The following SLC31A1 variants were observed in gnomAD, a reference collection of about 807,000 sequenced individuals.
SLC31A1 encodes high affinity copper uptake protein 1.
In SLC31A1, 5 loss-of-function variants were observed where a neutral mutation model predicts 17.2. That is an observed-to-expected ratio of 0.29 (90% CI 0.15 to 0.61). The LOEUF is 0.61. Among genes scored for constraint, SLC31A1 ranks in the 20% least tolerant of loss-of-function variants. SLC31A1 has a pLI of 0.86. For synonymous variants in SLC31A1, 76 were observed against 78.8 expected, an observed-to-expected ratio of 0.96 and a Z score of 0.19; for missense variants, 161 against 241.4, an observed-to-expected ratio of 0.67 and a Z score of 2.21.
rs1253895222 is a variant in SLC31A1, at chr9:113,256,137, T to C, written c.-12T>C. On this transcript the variant is annotated 5_prime_UTR_variant, in exon 2 of 5. Transcript: ENST00000374212. ...AGAATCTTCTGCTGACTCTCAACTTTTCCTGGAAAAAATGGATCATTCCCA... is the reference window on the plus strand; with the variant it reads ...AGAATCTTCTGCTGACTCTCAACTTCTCCTGGAAAAAATGGATCATTCCCA... The C allele has an allele frequency of 1.9e-6, 3 of 1,611,764 alleles. No homozygotes were observed. The African/African-American group carries it at 4.0e-5, about 22-fold the overall frequency.
chr9:113,222,666 C>T (rs918264187), intron 1 of SLC31A1, among the ~76,000 whole-genome samples: 1 of 152,132 alleles, frequency 6.6e-6, no homozygotes, highest in African/African-American at 2.4e-5. Flanking sequence ...GAACTTTGCA[C>T]CTCCTGGCAA....
At chr9:113,221,849 C>T (rs1349675896) in intron 1 of SLC31A1, among the ~76,000 whole-genome samples, 171 bp downstream of exon 1, 1 of 152,252 alleles carries the variant, frequency 6.6e-6, no homozygotes, top group African/African-American at 2.4e-5. Context: ...GTGGCATAGC[C>T]AGAGTGACCT....
At chr9:113,233,422 T>A (rs1045830528) in intron 1 of SLC31A1, among the ~76,000 whole-genome samples, 11 of 152,182 alleles carry the variant, frequency 7.2e-5, no homozygotes, top group African/African-American at 2.4e-4. Context: ...CCTGGAGAGG[T>A]CAGCTGGGAA....
chr9:113,238,033 G>T (rs1831482116), intron 1 of SLC31A1, among the ~76,000 whole-genome samples: 2 of 152,114 alleles, frequency 1.3e-5, no homozygotes, highest in South Asian at 4.1e-4. Context: ...TACATATATG[G>T]TCTTTTCTCC....
At chr9:113,242,249 A>G (rs550746327) in intron 1 of SLC31A1, among the ~76,000 whole-genome samples, 2 of 152,264 alleles carry the variant, frequency 1.3e-5, no homozygotes, top group African/African-American at 2.4e-5. Context: ...GATTGTAAGG[A>G]TGGGCATTTC....
At chr9:113,260,194 C>A in intron 4 of SLC31A1, 78 bp from the exon 5 acceptor site, 1 of 1,289,758 alleles carries the variant, frequency 7.8e-7, no homozygotes, top group Non-Finnish European at 1.1e-6. Context: ...GAGCTCATGG[C>A]AAGAACTCTT....
At chr9:113,259,012 G>A in intron 4 of SLC31A1, 150 bp downstream of exon 4, 1 of 809,286 alleles carries the variant, frequency 1.2e-6, no homozygotes, top group South Asian at 1.4e-5. Flanking sequence ...TGGGTTTGTA[G>A]GTCATGAGCA....
chr9:113,263,428 A>G lies in SLC31A1; in HGVS notation c.*2955A>G, dbSNP rs1831815893. 2 of 152,648 alleles carry G rather than the reference A, an allele frequency of 1.3e-5. No individual in the cohort carries two copies. The highest frequency in any genetic ancestry group is 4.8e-5 in the African/African-American group (2 of 41,458). 9.5% of individuals were successfully genotyped at this position (152,648 alleles called of 1,614,324 possible). A position where few individuals can be genotyped will look rare whatever the true frequency, so the allele number is the denominator to read the frequency against. ...TGTATACCTGTTCATTTGGAATTTA[A>G]TGCTTGACTTCTTTGTTCATTTTGG... is the stretch of plus-strand genomic sequence containing the variant. On this transcript the variant is annotated 3_prime_UTR_variant, in exon 5 of 5. Coordinates refer to ENST00000374212, the MANE Select transcript of SLC31A1 (RefSeq NM_001859.4).
intron 1 of SLC31A1, among the ~76,000 whole-genome samples, chr9:113,249,773 C>G (rs1831625004): frequency 6.6e-6 from 1 of 152,024 alleles, no homozygotes; most frequent in African/African-American, 2.4e-5. Context: ...TCGCAACCTA[C>G]TCATCTGACA....
chr9:113,235,463 C>G (rs1292947097), intron 1 of SLC31A1, among the ~76,000 whole-genome samples: 3 of 152,136 alleles, frequency 2.0e-5, no homozygotes, highest in Non-Finnish European at 2.9e-5. Flanking sequence ...TCAAAGGAAA[C>G]TATAGAGCAA....
Position 113,258,659 on chromosome 9 carries a change from T to C in SLC31A1, c.203-35T>C. ...CATTGGCTAATGATTTTGCACATGTTTGACAGTACCTCCATATTTTCCTTC... is the reference window on the plus strand; with the variant it reads ...CATTGGCTAATGATTTTGCACATGTCTGACAGTACCTCCATATTTTCCTTC... On this transcript the variant is annotated intron_variant, in intron 3 of 4. Coordinates refer to ENST00000374212, the MANE Select transcript of SLC31A1 (RefSeq NM_001859.4). This position sits in a 1 kb window ranked among gnomAD's most constrained non-coding sequence, Gnocchi z 4.8. The C allele has an allele frequency of 6.2e-7, 1 of 1,612,548 alleles. No individual in the cohort carries two copies. Among genetic ancestry groups the C allele is most frequent in the Non-Finnish European group, 8.5e-7 (1 of 1,179,206 alleles).
chr9:113,257,905 A>T (rs934146569), intron 3 of SLC31A1, among the ~76,000 whole-genome samples: 1 of 152,228 alleles, frequency 6.6e-6, no homozygotes, highest in Non-Finnish European at 1.5e-5. Context: ...CAATAAATTA[A>T]GTGCCACAAA....
chr9:113,241,442 C>A (rs911503156), intron 1 of SLC31A1, among the ~76,000 whole-genome samples: 1 of 152,172 alleles, frequency 6.6e-6, no homozygotes, highest in African/African-American at 2.4e-5. Context: ...GAGAACTTTG[C>A]TTCCTTATAT....
intron 1 of SLC31A1, among the ~76,000 whole-genome samples, chr9:113,243,395 T>C (rs1219916003): frequency 6.6e-6 from 1 of 152,214 alleles, no homozygotes; most frequent in African/African-American, 2.4e-5. Flanking sequence ...GCTGTATAAT[T>C]CATCACGTTA....
At chr9:113,255,916 A>G (rs1291716237) in intron 1 of SLC31A1, 198 bp from the exon 2 acceptor site, 2 of 314,700 alleles carry the variant, frequency 6.4e-6, no homozygotes, top group African/African-American at 2.1e-5. Context: ...GGGAACCACC[A>G]GGTTGCCTGG....
chr9:113,253,447 T>C (rs1831683472), intron 1 of SLC31A1, among the ~76,000 whole-genome samples: 1 of 152,182 alleles, frequency 6.6e-6, no homozygotes, highest in Non-Finnish European at 1.5e-5. Flanking sequence ...TAGTGTTTAC[T>C]CTAAAAACAT....
intron 1 of SLC31A1, among the ~76,000 whole-genome samples, chr9:113,249,839 C>G (rs901793445): frequency 6.6e-6 from 1 of 151,114 alleles, no homozygotes; most frequent in East Asian, 1.9e-4. Flanking sequence ...AGAAAAAAAA[C>G]AGACAACCCC....
intron 1 of SLC31A1, among the ~76,000 whole-genome samples, chr9:113,240,137 C>T (rs942021272): frequency 3.3e-5 from 5 of 152,202 alleles, no homozygotes. Context: ...CCGTTATTCT[C>T]TGCCACAGTT....
At chr9:113,238,970 C>T (rs764955547) in intron 1 of SLC31A1, among the ~76,000 whole-genome samples, 1 of 152,092 alleles carries the variant, frequency 6.6e-6, no homozygotes, top group East Asian at 1.9e-4. Flanking sequence ...TCACCTTCAT[C>T]GTATTTATTG....
Sources: gnomAD v4.1 joint callset for allele counts (sites outside exome capture counted in the v4.1 genomes callset) on GRCh38, gnomAD v4.1.1 for gene constraint, Gnocchi (gnomAD v3.1) non-coding constraint, MANE v1.5 for transcripts, NCBI Gene and HGNC (gene_info 2026-07-23, HGNC 2026-07-21) for gene names.